TOM1L2: variants seen among roughly 807,000 people sequenced by gnomAD.
The protein encoded by TOM1L2 is TOM1-like protein 2.
TOM1L2 carries 31 observed loss-of-function variants against 67.9 expected under a neutral mutation model. The ratio of observed to expected loss-of-function variants is 0.46; its 90% CI spans 0.34 to 0.62. The LOEUF (loss-of-function observed/expected upper bound fraction) is 0.62, where lower values mean the gene tolerates loss of function less well. Ranked by LOEUF, TOM1L2 falls within the 20% of genes least tolerant of loss-of-function variation. The pLI is 0.01. For missense variants in TOM1L2, 606 were observed against 663.5 expected, an observed-to-expected ratio of 0.91 and a Z score of 0.95; for synonymous variants, 256 against 254.0, an observed-to-expected ratio of 1.01 and a Z score of -0.07.
At chr17:17,893,519 T>C (rs2038397455) in intron 4 of TOM1L2, 142 bp downstream of exon 4, 2 of 819,970 alleles carry the variant, frequency 2.4e-6, no homozygotes, top group African/African-American at 1.8e-5. Context: ...AGAATTTTTT[T>C]TGAAGTATTT....
intron 7 of TOM1L2, among the ~76,000 whole-genome samples, chr17:17,878,240 A>G (rs1253694336): frequency 6.6e-6 from 1 of 152,230 alleles, no homozygotes; most frequent in Non-Finnish European, 1.5e-5. Flanking sequence ...GAGCTGAGGC[A>G]AGCCTGGGCT....
rs752320229 is a variant in TOM1L2, at chr17:17,866,932, G to C, written c.912-8C>G. The C allele has an allele frequency of 6.2e-7, 1 of 1,613,846 alleles. No individual in the cohort carries two copies. The highest frequency in any genetic ancestry group is 8.5e-7 in the Non-Finnish European group (1 of 1,179,902). On this transcript the variant is annotated splice_polypyrimidine_tract_variant and splice_region_variant and intron_variant, in intron 8 of 14. Coordinates refer to ENST00000379504, the MANE Select transcript of TOM1L2 (RefSeq NM_001082968.2). ...GACCTGTATCGTTCGAACCTAACAG[G>C]GGAAGGGAAAGCAGAAGTAAGGAGA... is the stretch of plus-strand genomic sequence containing the variant.
intron 1 of TOM1L2, among the ~76,000 whole-genome samples, chr17:17,908,305 C>T (rs1288296174): frequency 6.6e-6 from 1 of 152,090 alleles, no homozygotes; most frequent in African/African-American, 2.4e-5. Flanking sequence ...AAAATTTACT[C>T]CAAATGGATC....
chr17:17,921,642 C>T (rs1477329827), intron 1 of TOM1L2, among the ~76,000 whole-genome samples: 3 of 150,774 alleles, frequency 2.0e-5, no homozygotes, highest in Admixed American at 6.7e-5. Context: ...GCAGGCTGTG[C>T]TCTAATGTCA....
At chr17:17,850,749 G>A in intron 13 of TOM1L2, 144 bp downstream of exon 13, 1 of 830,314 alleles carries the variant, frequency 1.2e-6, no homozygotes, top group Non-Finnish European at 1.9e-6. Context: ...GGGAGGAGGG[G>A]CAGCTATGGA....
intron 1 of TOM1L2, among the ~76,000 whole-genome samples, chr17:17,913,654 T>C (rs1002804348): frequency 6.6e-6 from 1 of 152,190 alleles, no homozygotes; most frequent in Non-Finnish European, 1.5e-5. Context: ...GTTGGTTCTT[T>C]ATAATCAAAA....
intron 1 of TOM1L2, among the ~76,000 whole-genome samples, chr17:17,944,988 G>A (rs980728764): frequency 5.3e-5 from 8 of 152,140 alleles, no homozygotes; most frequent in African/African-American, 9.7e-5. Context: ...GATGCTGCCC[G>A]CACTGCCGCC....
At chr17:17,931,825 A>T (rs1411291124) in intron 1 of TOM1L2, among the ~76,000 whole-genome samples, 1 of 152,164 alleles carries the variant, frequency 6.6e-6, no homozygotes, top group African/African-American at 2.4e-5. Flanking sequence ...CTGACTTCCT[A>T]TTTCACACAA....
At position 17,863,563 on chromosome 17, in the gene TOM1L2, C is replaced by CTT. The variant is rs11334951; in HGVS notation, c.1085-717_1085-716dup. Among the ~76,000 whole-genome samples the CTT allele has an allele frequency of 1.1e-3, 145 of 130,574 alleles. 1 individual carries two copies. The highest frequency in any genetic ancestry group is 1.5e-3 in the South Asian group (6 of 3,942). 85.7% of individuals were successfully genotyped at this position (130,574 alleles called of 152,430 possible). A position where few individuals can be genotyped will look rare whatever the true frequency, so the allele number is the denominator to read the frequency against. ...AAGGAGTGGGTGGGAAGACACTAGACTTTTTTTTTTTTTTTTTTTTAAAGA... is the reference window on the plus strand; with the variant it reads ...AAGGAGTGGGTGGGAAGACACTAGACTTTTTTTTTTTTTTTTTTTTTTAAAGA... On this transcript the variant is annotated intron_variant, in intron 10 of 14. Transcript: ENST00000379504.
chr17:17,898,499 G>T, intron 3 of TOM1L2, 97 bp downstream of exon 3: 1 of 1,260,796 alleles, frequency 7.9e-7, no homozygotes, highest in Non-Finnish European at 1.2e-6. Context: ...TTCAGAGGTT[G>T]TGCTAAGTGG....
chr17:17,897,404 G>C (rs1316630566), intron 3 of TOM1L2, among the ~76,000 whole-genome samples: 5 of 152,184 alleles, frequency 3.3e-5, no homozygotes, highest in Non-Finnish European at 7.3e-5. Flanking sequence ...AATCCAAACA[G>C]GTTCTCTGCT....
intron 12 of TOM1L2, chr17:17,859,412 C>T (rs1197625985): frequency 6.6e-6 from 1 of 152,250 alleles, no homozygotes; most frequent in Non-Finnish European, 1.5e-5. Flanking sequence ...TCTCCCTTGG[C>T]CTCGTTTTCA....
chr17:17,863,745 C>T (rs1170138092), intron 10 of TOM1L2, among the ~76,000 whole-genome samples: 2 of 151,962 alleles, frequency 1.3e-5, no homozygotes, highest in African/African-American at 2.4e-5. Flanking sequence ...GACAAGGTCT[C>T]GTTATGTTGC....
intron 1 of TOM1L2, 132 bp downstream of exon 1, chr17:17,972,130 A>ATCTCG: frequency 8.9e-7 from 1 of 1,125,080 alleles, no homozygotes; most frequent in Non-Finnish European, 1.2e-6. Flanking sequence ...CCGCTCGTGG[A>ATCTCG]GTGGCACCCG....
At chr17:17,856,368 A>T (rs1005981153) in intron 12 of TOM1L2, among the ~76,000 whole-genome samples, 17 of 152,278 alleles carry the variant, frequency 1.1e-4, no homozygotes, top group African/African-American at 1.7e-4. Flanking sequence ...GCAGAGCAGC[A>T]GTATGCTGCT....
intron 3 of TOM1L2, 124 bp downstream of exon 3, chr17:17,898,472 G>T: frequency 1.0e-6 from 1 of 958,984 alleles, no homozygotes; most frequent in Non-Finnish European, 1.7e-6. Context: ...GACTCCAGTG[G>T]CCCAGGCACC....
chr17:17,932,608 T>A (rs1173181869), intron 1 of TOM1L2, among the ~76,000 whole-genome samples: 1 of 152,286 alleles, frequency 6.6e-6, no homozygotes, highest in Admixed American at 6.5e-5. Context: ...AAGCCAGGCC[T>A]CTCTGGAGCA....
At chr17:17,962,960 C>CA (rs548910167) in intron 1 of TOM1L2, among the ~76,000 whole-genome samples, 4,404 of 97,200 alleles carry the variant, frequency 0.045, 90 homozygotes, top group Non-Finnish European at 0.064. Context: ...GACTCCGTCT[C>CA]AAAAAAAAAA....
At chr17:17,960,044 G>T (rs2041622151) in intron 1 of TOM1L2, among the ~76,000 whole-genome samples, 1 of 152,186 alleles carries the variant, frequency 6.6e-6, no homozygotes, top group African/African-American at 2.4e-5. Flanking sequence ...CGTCCTTTGA[G>T]GAAATTCTCA....
Sources: allele counts gnomAD v4.1 joint callset (sites outside exome capture counted in the v4.1 genomes callset), GRCh38; gene constraint gnomAD v4.1.1; transcripts MANE v1.5; gene names NCBI Gene and HGNC (gene_info 2026-07-23, HGNC 2026-07-21).